The following SPAG16 variants were observed in gnomAD, a reference collection of about 807,000 sequenced individuals.
The protein encoded by SPAG16 is sperm-associated antigen 16 protein.
A neutral mutation model predicts 80.4 loss-of-function variants in SPAG16; 86 were observed. The observed-to-expected ratio is 1.07, with a 90% CI of 0.90 to 1.28. SPAG16 has a LOEUF of 1.28. Among genes scored for constraint, SPAG16 ranks in the 50% most tolerant of loss-of-function variants. The probability of loss-of-function intolerance (pLI) is 0.00; values close to 1 mark genes in which losing one functional copy is unlikely to be tolerated. For synonymous variants in SPAG16, 294 were observed against 265.9 expected (o/e 1.11, Z -1.03); for missense variants, 870 against 765.3 (o/e 1.14, Z -1.61).
At chr2:213,610,276 G>A (rs1156995074) in intron 10 of SPAG16, among the ~76,000 whole-genome samples, 1 of 152,072 alleles carries the variant, frequency 6.6e-6, no homozygotes, top group Non-Finnish European at 1.5e-5. Flanking sequence ...CCTTTTGCAG[G>A]GAGATTTGCA....
At chr2:214,012,259 C>CAT (rs1163146309) in intron 12 of SPAG16, among the ~76,000 whole-genome samples, 1,054 of 39,780 alleles carry the variant, frequency 0.026, 78 homozygotes, top group East Asian at 0.052. Context: ...TTTATACTTA[C>CAT]ATATATATAT....
intron 12 of SPAG16, among the ~76,000 whole-genome samples, chr2:213,955,054 T>C (rs1575641661): frequency 6.6e-6 from 1 of 152,120 alleles, no homozygotes. Context: ...CTTTTATTTC[T>C]TTTTTTATTA....
Position 213,361,145 on chromosome 2 carries a change from G to A in SPAG16, c.763-2931G>A, listed in dbSNP as rs2065954907. 1.3e-5 allele frequency among the ~76,000 whole-genome samples: 2 copies of A among 151,944 alleles called. 1 individual carries two copies. Among genetic ancestry groups the A allele is most frequent in the Admixed American group, 1.3e-4 (2 of 15,242 alleles). Reference sequence around the variant, plus strand: ...TACATGTTTTCAAATTTCTTTAGTAGATACTAGACAGTGAATCAACATTTA... The same window carrying A: ...TACATGTTTTCAAATTTCTTTAGTAAATACTAGACAGTGAATCAACATTTA... On this transcript the variant is annotated intron_variant, in intron 7 of 15. Coordinates refer to ENST00000331683, the MANE Select transcript of SPAG16 (RefSeq NM_024532.5).
chr2:213,692,941 C>G (rs188950186), intron 10 of SPAG16, among the ~76,000 whole-genome samples: 54 of 151,968 alleles, frequency 3.6e-4, no homozygotes, highest in Non-Finnish European at 6.2e-4. Context: ...TCACTGAAAA[C>G]CCTTTTAAAA....
chr2:214,285,867 G>C (rs566800636), intron 15 of SPAG16, among the ~76,000 whole-genome samples: 6 of 152,096 alleles, frequency 3.9e-5, no homozygotes, highest in Non-Finnish European at 5.9e-5. Context: ...CTTTTAGTTT[G>C]ATGCAATCCC....
chr2:214,004,060 T>A (rs1559680479), intron 12 of SPAG16, among the ~76,000 whole-genome samples: 1 of 152,168 alleles, frequency 6.6e-6, no homozygotes, highest in Non-Finnish European at 1.5e-5. Flanking sequence ...AACATGCACA[T>A]CAGGTGACTC....
intron 12 of SPAG16, among the ~76,000 whole-genome samples, chr2:214,005,681 A>G (rs2124908611): frequency 6.6e-6 from 1 of 152,344 alleles, no homozygotes; most frequent in Admixed American, 6.5e-5. Flanking sequence ...GAACTATCAC[A>G]TGATGAATTA....
intron 6 of SPAG16, among the ~76,000 whole-genome samples, chr2:213,348,996 A>T (rs2065174040): frequency 6.6e-6 from 1 of 152,232 alleles, no homozygotes; most frequent in South Asian, 2.1e-4. Context: ...ATTTCAAAGG[A>T]TGGATGTCAT....
intron 13 of SPAG16, among the ~76,000 whole-genome samples, chr2:214,060,486 A>G (rs1436261610): frequency 6.6e-6 from 1 of 152,216 alleles, no homozygotes; most frequent in Non-Finnish European, 1.5e-5. Context: ...ACATAGCAAA[A>G]TAAAAATCGA....
intron 10 of SPAG16, among the ~76,000 whole-genome samples, chr2:213,637,626 A>G (rs1385418580): frequency 6.6e-6 from 1 of 151,988 alleles, no homozygotes; most frequent in East Asian, 1.9e-4. Flanking sequence ...GCTGCTTGTT[A>G]TTGGTCTGTT....
intron 15 of SPAG16, among the ~76,000 whole-genome samples, chr2:214,252,023 T>C (rs1486533678): frequency 2.0e-5 from 3 of 152,104 alleles, no homozygotes; most frequent in Admixed American, 1.3e-4. Context: ...TATGGATGAT[T>C]TTAAAAGATG....
At chr2:213,421,434 G>A (rs2069580458) in intron 9 of SPAG16, among the ~76,000 whole-genome samples, 1 of 152,224 alleles carries the variant, frequency 6.6e-6, no homozygotes, top group Non-Finnish European at 1.5e-5. Flanking sequence ...CCCTTGGCAT[G>A]AACAGCCTGG....
intron 11 of SPAG16, among the ~76,000 whole-genome samples, chr2:213,909,988 A>G (rs951365927): frequency 2.0e-5 from 3 of 152,188 alleles, no homozygotes; most frequent in Non-Finnish European, 4.4e-5. Flanking sequence ...TCTAAATTCT[A>G]AGTGTTTTTC....
chr2:213,586,983 C>T lies in SPAG16; in HGVS notation c.1070+96893C>T, dbSNP rs1451287547. Among the ~76,000 whole-genome samples, 3 of 152,142 alleles carry T rather than the reference C, an allele frequency of 2.0e-5. No individual in the cohort carries two copies. The East Asian group carries it at 5.8e-4, about 29-fold the overall frequency. On this transcript the variant is annotated intron_variant, in intron 10 of 15. Transcript: ENST00000331683. ...TTCAGTGTCTCTGTGCCTGAGCCTCCTTGCCATGCTATTGTGATTGTCTGT... is the reference window on the plus strand; with the variant it reads ...TTCAGTGTCTCTGTGCCTGAGCCTCTTTGCCATGCTATTGTGATTGTCTGT...
chr2:214,026,465 T>G (rs1310463606), intron 13 of SPAG16, among the ~76,000 whole-genome samples: 2 of 151,440 alleles, frequency 1.3e-5, no homozygotes, highest in Non-Finnish European at 3.0e-5. Context: ...AGAATAAATC[T>G]GCATAATAAC....
intron 10 of SPAG16, among the ~76,000 whole-genome samples, chr2:213,662,843 A>G (rs1309755415): frequency 6.6e-6 from 1 of 152,150 alleles, no homozygotes; most frequent in Admixed American, 6.5e-5. Flanking sequence ...AGATTGTATT[A>G]AAGTATTTGT....
At chr2:214,273,782 CT>C (rs2125898989) in intron 15 of SPAG16, among the ~76,000 whole-genome samples, 1 of 152,254 alleles carries the variant, frequency 6.6e-6, no homozygotes, top group Admixed American at 6.5e-5. Context: ...AATGCAGACA[CT>C]TTTTTGTTTC....
intron 10 of SPAG16, among the ~76,000 whole-genome samples, chr2:213,718,676 T>C (rs10153590): frequency 0.93 from 141,356 of 152,158 alleles, 66,586 homozygotes; most frequent in East Asian, 1. Flanking sequence ...CCAGCAGTGC[T>C]GGCCCACCTG....
At chr2:213,667,042 G>A (rs1242029483) in intron 10 of SPAG16, among the ~76,000 whole-genome samples, 1 of 152,196 alleles carries the variant, frequency 6.6e-6, no homozygotes, top group Admixed American at 6.5e-5. Context: ...GATGGTGATT[G>A]AGGAGGTAAT....
Sources: gnomAD v4.1 joint callset for allele counts (sites outside exome capture counted in the v4.1 genomes callset) on GRCh38, gnomAD v4.1.1 for gene constraint, MANE v1.5 for transcripts, NCBI Gene and HGNC (gene_info 2026-07-23, HGNC 2026-07-21) for gene names.